Variants in ARHGEF10L observed in about 807,000 individuals in gnomAD.
ARHGEF10L encodes rho guanine nucleotide exchange factor 10-like protein.
A neutral mutation model predicts 141.2 loss-of-function variants in ARHGEF10L; 69 were observed. That is an observed-to-expected ratio of 0.49 (90% CI 0.40 to 0.60). The LOEUF (loss-of-function observed/expected upper bound fraction) is 0.60, where lower values mean the gene tolerates loss of function less well. ARHGEF10L is among the 20% of genes least tolerant of loss of function. The pLI is 0.00. For synonymous variants in ARHGEF10L, 711 were observed against 718.5 expected (o/e 0.99, Z 0.17); for missense variants, 1,482 against 1,734.3 (o/e 0.85, Z 2.58).
At chr1:17,649,924 C>G (rs1380841080) in intron 22 of ARHGEF10L, among the ~76,000 whole-genome samples, 1 of 152,170 alleles carries the variant, frequency 6.6e-6, no homozygotes, top group Non-Finnish European at 1.5e-5. Context: ...AGAGGGCGGG[C>G]CCCGAGGTTC....
At chr1:17,551,095 A>C (rs1456402862) in intron 1 of ARHGEF10L, among the ~76,000 whole-genome samples, 1 of 151,996 alleles carries the variant, frequency 6.6e-6, no homozygotes, top group Non-Finnish European at 1.5e-5. Context: ...GGGGCAGTCC[A>C]CCTCGTTTGC....
intron 5 of ARHGEF10L, 116 bp downstream of exon 5, chr1:17,602,334 CG>C: frequency 8.1e-7 from 1 of 1,242,046 alleles, no homozygotes; most frequent in Non-Finnish European, 1.1e-6. Flanking sequence ...TCATCCTCAC[CG>C]GGGGCTTCTG....
At chr1:17,622,017 G>A (rs921648526) in intron 11 of ARHGEF10L, 76 bp downstream of exon 11, 13 of 1,511,372 alleles carry the variant, frequency 8.6e-6, no homozygotes, top group Admixed American at 1.7e-5. Flanking sequence ...TATACGGAGT[G>A]TTTGGGGACT....
chr1:17,527,557 G>A, the ARHGEF10L span, among the ~76,000 whole-genome samples: 1 of 152,162 alleles, frequency 6.6e-6, no homozygotes, highest in African/African-American at 2.4e-5. Flanking sequence ...CCAGAGACCT[G>A]TAGTTTGGGA....
chr1:17,528,268 G>A, the ARHGEF10L span, among the ~76,000 whole-genome samples: 1 of 151,590 alleles, frequency 6.6e-6, no homozygotes. Flanking sequence ...TGTCCCCCAG[G>A]CTGGAGTACA....
chr1:17,606,514 G>C lies in ARHGEF10L; in HGVS notation c.434-1288G>C, dbSNP rs1200181738. 2.0e-5 allele frequency among the ~76,000 whole-genome samples: 3 copies of C among 151,272 alleles called. No individual in the cohort carries two copies. In the South Asian group the frequency reaches 6.3e-4, roughly 32 times the overall value. On this transcript the variant is annotated intron_variant, in intron 6 of 28. Coordinates refer to ENST00000361221, the MANE Select transcript of ARHGEF10L (RefSeq NM_018125.4). Reference sequence around the variant, plus strand: ...TCATCATGTTGGCCAGGCTGGTCTTGAACTCCTGACCTCAGGCGATCCACC... The same window carrying C: ...TCATCATGTTGGCCAGGCTGGTCTTCAACTCCTGACCTCAGGCGATCCACC...
chr1:17,697,305 C>T lies in ARHGEF10L; in HGVS notation c.3765C>T (p.Gly1255=). The T allele has an allele frequency of 6.2e-7, 1 of 1,612,506 alleles. No homozygotes were observed. Among genetic ancestry groups the T allele is most frequent in the Middle Eastern group, 1.7e-4 (1 of 6,058 alleles). Residue 1255 remains glycine, a synonymous_variant, in exon 29 of 29, where the codon GGC becomes GGT. Transcript: ENST00000361221. This position sits in a 1 kb window ranked among gnomAD's most constrained non-coding sequence, Gnocchi z 4.8. ...QGYRNFGSAL[G]SSGRQAPCGE... is the part of the protein sequence containing the mutation. ...ACCGCAACTTTGGCAGCGCTCTGGGCAGCAGTGGGAGGCAGGCCCCGTGTG... is the reference window on the plus strand; with the variant it reads ...ACCGCAACTTTGGCAGCGCTCTGGGTAGCAGTGGGAGGCAGGCCCCGTGTG...
chr1:17,624,639 C>A, intron 13 of ARHGEF10L, 136 bp downstream of exon 13: 2 of 709,498 alleles, frequency 2.8e-6, no homozygotes, highest in Admixed American at 2.1e-5. Context: ...TCTTTTGGGG[C>A]AGCCCAGTCC....
At chr1:17,597,527 C>G (rs1193460529) in intron 4 of ARHGEF10L, among the ~76,000 whole-genome samples, 1 of 152,170 alleles carries the variant, frequency 6.6e-6, no homozygotes. Flanking sequence ...TGTCCCTGCT[C>G]CCCCAACTTT....
chr1:17,541,255 C>G (rs752562057), intron 1 of ARHGEF10L, among the ~76,000 whole-genome samples: 15 of 152,176 alleles, frequency 9.9e-5, no homozygotes, highest in Non-Finnish European at 2.2e-4. Context: ...GGAGCTACTT[C>G]CTCTCCAGTG....
chr1:17,695,142 C>T lies in ARHGEF10L; in HGVS notation c.3185-16C>T. The T allele has an allele frequency of 6.2e-7, 1 of 1,612,364 alleles. No individual in the cohort carries two copies. The highest frequency in any genetic ancestry group is 1.7e-5 in the Admixed American group (1 of 60,020). ...TCCCCAGGAGGGCACTGCTCAGCCGCCCTCTCTTTCTGCAGGCCAGAAGCA... is the reference window on the plus strand; with the variant it reads ...TCCCCAGGAGGGCACTGCTCAGCCGTCCTCTCTTTCTGCAGGCCAGAAGCA... On this transcript the variant is annotated splice_polypyrimidine_tract_variant and intron_variant, in intron 27 of 28. Transcript: ENST00000361221.
chr1:17,626,909 A>G (rs917278681), intron 14 of ARHGEF10L, among the ~76,000 whole-genome samples: 1 of 152,264 alleles, frequency 6.6e-6, no homozygotes, highest in Non-Finnish European at 1.5e-5. Flanking sequence ...GAGGTCTTCA[A>G]GATTCATCGT....
rs1481082984 is a variant in ARHGEF10L, at chr1:17,697,560, G to A, written c.*180G>A. On this transcript the variant is annotated 3_prime_UTR_variant, in exon 29 of 29. Coordinates refer to ENST00000361221, the MANE Select transcript of ARHGEF10L (RefSeq NM_018125.4). The surrounding 1 kb of genome is among the most constrained non-coding windows in gnomAD (Gnocchi z 4.8). The stretch of plus-strand genomic sequence containing the variant: ...ATTTTTTTCAGAGTGTTTTGGGGAG[G>A]AGTTTTAGGGCTTGGGGAGAGGGAG... 3.8e-6 allele frequency: 3 copies of A among 787,528 alleles called. No individual in the cohort carries two copies. The Admixed American group carries it at 8.1e-5, about 21-fold the overall frequency. The allele number at this position is 787,528 out of a possible 1,614,324, so 48.8% of individuals were successfully genotyped here. A position where few individuals can be genotyped will look rare whatever the true frequency, so the allele number is the denominator to read the frequency against.
intron 21 of ARHGEF10L, among the ~76,000 whole-genome samples, chr1:17,643,939 G>T (rs1342772173): frequency 2.0e-5 from 3 of 152,190 alleles, no homozygotes; most frequent in Non-Finnish European, 4.4e-5. Context: ...GCTGCAGATG[G>T]AAGGTCCCAG....
At chr1:17,631,751 T>C (rs533748189) in intron 15 of ARHGEF10L, among the ~76,000 whole-genome samples, 2 of 152,266 alleles carry the variant, frequency 1.3e-5, no homozygotes, top group Non-Finnish European at 2.9e-5. Flanking sequence ...ATGGTCATCT[T>C]GAAATTCATA....
intron 3 of ARHGEF10L, 46 bp from the exon 4 acceptor site, chr1:17,588,400 G>A: frequency 3.7e-6 from 6 of 1,610,594 alleles, no homozygotes; most frequent in Non-Finnish European, 5.1e-6. Flanking sequence ...AGTGCCTGGG[G>A]CCAGCCTCTG....
intron 1 of ARHGEF10L, among the ~76,000 whole-genome samples, chr1:17,580,116 G>C (rs2078422237): frequency 6.6e-6 from 1 of 152,212 alleles, no homozygotes; most frequent in Non-Finnish European, 1.5e-5. Context: ...ACAGGAGTGG[G>C]CAGACCTAAG....
chr1:17,543,322 C>T (rs1226384425), intron 1 of ARHGEF10L, among the ~76,000 whole-genome samples: 1 of 152,176 alleles, frequency 6.6e-6, no homozygotes, highest in African/African-American at 2.4e-5. Flanking sequence ...ATGGCTCATG[C>T]GTGTAATCCC....
intron 26 of ARHGEF10L, among the ~76,000 whole-genome samples, chr1:17,674,723 A>T (rs894861968): frequency 1.3e-5 from 2 of 152,186 alleles, no homozygotes; most frequent in Non-Finnish European, 2.9e-5. Context: ...CACACATATT[A>T]TGATGGTCCT....
Sources: allele counts gnomAD v4.1 joint callset (sites outside exome capture counted in the v4.1 genomes callset), GRCh38; gene constraint gnomAD v4.1.1; non-coding constraint Gnocchi (gnomAD v3.1); transcripts MANE v1.5; gene names NCBI Gene and HGNC (gene_info 2026-07-23, HGNC 2026-07-21).